Variants in CADPS2 observed in about 807,000 individuals in gnomAD.
The protein encoded by CADPS2 is calcium dependent secretion activator 2.
CADPS2 carries 93 observed loss-of-function variants against 172.5 expected under a neutral mutation model. That is an observed-to-expected ratio of 0.54 (90% CI 0.46 to 0.64). The LOEUF is 0.64. CADPS2 is among the 30% of genes least tolerant of loss of function. The pLI is 0.00. For missense variants in CADPS2, 1,420 were observed against 1,565.9 expected (o/e 0.91, Z 1.57); for synonymous variants, 546 against 555.2 (o/e 0.98, Z 0.23).
rs16870877 is a variant in CADPS2, at chr7:122,832,482, G to T, written c.339+53517C>A. Among the ~76,000 whole-genome samples the T allele has an allele frequency of 2.3e-4, 35 of 152,192 alleles. No homozygotes were observed. The South Asian group carries it at 7.0e-3, about 31-fold the overall frequency. ...TCTTACGCAGCCATCTCTGTCCAGCGGTCATTTGGAGATATAAGCGCATAT... is the reference window on the plus strand; with the variant it reads ...TCTTACGCAGCCATCTCTGTCCAGCTGTCATTTGGAGATATAAGCGCATAT... On this transcript the variant is annotated intron_variant, in intron 1 of 29. Transcript: ENST00000449022.
chr7:122,557,709 A>G (rs929506), intron 7 of CADPS2, among the ~76,000 whole-genome samples: 138,674 of 152,246 alleles, frequency 0.91, 63,268 homozygotes, highest in East Asian at 1. Flanking sequence ...TTAGGAAGAA[A>G]GGCAACAAAA....
intron 1 of CADPS2, among the ~76,000 whole-genome samples, chr7:122,833,662 C>G (rs527887859): frequency 6.6e-6 from 1 of 152,238 alleles, no homozygotes; most frequent in East Asian, 1.9e-4. Flanking sequence ...TCCGAAAGTG[C>G]TGGGGTTACA....
intron 1 of CADPS2, among the ~76,000 whole-genome samples, chr7:122,864,358 T>C (rs1817746740): frequency 6.6e-6 from 1 of 152,134 alleles, no homozygotes; most frequent in South Asian, 2.1e-4. Flanking sequence ...CATGTGCCCA[T>C]GGTTCCAGCT....
chr7:122,699,169 T>G, intron 2 of CADPS2: 1 of 407,030 alleles, frequency 2.5e-6, no homozygotes, highest in Non-Finnish European at 4.5e-6. Flanking sequence ...TATTGTGTGA[T>G]GTGATTATGA....
chr7:122,853,090 G>A (rs2501448), intron 1 of CADPS2, among the ~76,000 whole-genome samples: 28,332 of 152,150 alleles, frequency 0.19, 3,127 homozygotes, highest in African/African-American at 0.31. Context: ...TGGCCTCAGT[G>A]CCAGTCCTCT....
chr7:122,345,685 T>C lies in CADPS2; in HGVS notation c.3505-4A>G, dbSNP rs545215047. The C allele has an allele frequency of 1.3e-6, 2 of 1,583,938 alleles. No homozygotes were observed. The highest frequency in any genetic ancestry group is 1.7e-5 in the Admixed American group (1 of 58,436). ...CTGCCAGATCCATTCCTGGTTTCTG[T>C]TGTGAAGGAAAAGCAGGGGGAACAA... On this transcript the variant is annotated splice_polypyrimidine_tract_variant and splice_region_variant and intron_variant, in intron 27 of 29. Coordinates refer to ENST00000449022, the MANE Select transcript of CADPS2 (RefSeq NM_017954.11).
At chr7:122,470,726 C>A (rs1196816811) in intron 14 of CADPS2, among the ~76,000 whole-genome samples, 2 of 151,982 alleles carry the variant, frequency 1.3e-5, no homozygotes, top group Non-Finnish European at 2.9e-5. Context: ...AAACTCCTGG[C>A]CTCAGGTGAT....
At chr7:122,879,111 C>T (rs1296442529) in intron 1 of CADPS2, among the ~76,000 whole-genome samples, 2 of 151,710 alleles carry the variant, frequency 1.3e-5, no homozygotes, top group Non-Finnish European at 2.9e-5. Flanking sequence ...GTGGTGCACA[C>T]CTGTAATCCC....
At position 122,615,253 on chromosome 7, in the gene CADPS2, C is replaced by T. The variant is rs1457955627; in HGVS notation, c.1151G>A (p.Arg384Gln). 3 of 1,556,006 alleles carry T rather than the reference C, an allele frequency of 1.9e-6. No homozygotes were observed. Among genetic ancestry groups the T allele is most frequent in the South Asian group, 1.2e-5 (1 of 84,198 alleles). The change falls in exon 6 of 30, where the codon CGA becomes CAA. Residue 384 changes from arginine to glutamine, a missense_variant. Physicochemically the swap from Arg to Gln is conservative, Grantham distance 43. Coordinates refer to ENST00000449022, the MANE Select transcript of CADPS2 (RefSeq NM_017954.11). ...CACTTCCATTGTACAGTAAACAATT[C>T]GATTGGGAGCAACTGACTTCAGGCC... is the stretch of plus-strand genomic sequence containing the variant. Reference protein sequence around the residue: ...VQGLKSVAPNRIVYCTMEVEG... With the variant: ...VQGLKSVAPNQIVYCTMEVEG...
chr7:122,397,027 A>C (rs1320379623), intron 20 of CADPS2, among the ~76,000 whole-genome samples: 1 of 152,226 alleles, frequency 6.6e-6, no homozygotes, highest in African/African-American at 2.4e-5. Context: ...CTTTGTATAA[A>C]ATATATAGCA....
intron 3 of CADPS2, among the ~76,000 whole-genome samples, chr7:122,646,675 C>T (rs1168603713): frequency 2.0e-5 from 3 of 152,132 alleles, no homozygotes; most frequent in Non-Finnish European, 4.4e-5. Context: ...GATGGGGCCA[C>T]ACTGAACACC....
intron 1 of CADPS2, among the ~76,000 whole-genome samples, chr7:122,764,606 A>C (rs1413020248): frequency 1.3e-5 from 2 of 152,100 alleles, no homozygotes; most frequent in Non-Finnish European, 2.9e-5. Flanking sequence ...TAGTCAGGGT[A>C]TAGCAACAGA....
intron 6 of CADPS2, among the ~76,000 whole-genome samples, chr7:122,612,944 A>G (rs925283336): frequency 2.6e-5 from 4 of 152,170 alleles, no homozygotes. Flanking sequence ...TTTAATAAGG[A>G]AAGAATAGGT....
intron 1 of CADPS2, among the ~76,000 whole-genome samples, chr7:122,790,028 GTTTTT>G (rs747647291): frequency 1.6e-5 from 2 of 126,672 alleles, no homozygotes; most frequent in Non-Finnish European, 3.4e-5. Context: ...AATATTAAGT[GTTTTT>G]TTTTTTTTTT....
chr7:122,487,876 A>G (rs1180943012), intron 11 of CADPS2, among the ~76,000 whole-genome samples: 1 of 152,214 alleles, frequency 6.6e-6, no homozygotes, highest in African/African-American at 2.4e-5. Flanking sequence ...GAAGAATGAG[A>G]TTAGATGTAT....
intron 14 of CADPS2, among the ~76,000 whole-genome samples, chr7:122,454,107 C>A (rs1379555129): frequency 1.3e-5 from 2 of 152,098 alleles, no homozygotes; most frequent in African/African-American, 4.8e-5. Flanking sequence ...GGCAACAGTT[C>A]CTCCTACAAT....
chr7:122,885,078 C>T (rs1318881804), intron 1 of CADPS2, among the ~76,000 whole-genome samples: 2 of 152,176 alleles, frequency 1.3e-5, no homozygotes, highest in African/African-American at 4.8e-5. Flanking sequence ...TTCTACAGAA[C>T]CTTCCAGGTT....
At chr7:122,809,821 T>C (rs1799639240) in intron 1 of CADPS2, among the ~76,000 whole-genome samples, 1 of 152,210 alleles carries the variant, frequency 6.6e-6, no homozygotes, top group African/African-American at 2.4e-5. Context: ...GGTAAGAGCT[T>C]GTTGCCTATA....
In CADPS2 at chr7:122,713,584, T is replaced by C. The variant is rs75216966; in HGVS notation, c.453+23371A>G. 3.3e-3 allele frequency among the ~76,000 whole-genome samples: 495 copies of C among 152,062 alleles called. 2 individuals are homozygous for C. Among genetic ancestry groups the C allele is most frequent in the Non-Finnish European group, 5.8e-3 (394 of 67,968 alleles). ...CATGATCTGTAACCATTTTTTTCAATCTTAACAATTGTAAGGAAGTTTCTA... is the reference window on the plus strand; with the variant it reads ...CATGATCTGTAACCATTTTTTTCAACCTTAACAATTGTAAGGAAGTTTCTA... On this transcript the variant is annotated intron_variant, in intron 2 of 29. Coordinates refer to ENST00000449022, the MANE Select transcript of CADPS2 (RefSeq NM_017954.11).
Sources: allele counts gnomAD v4.1 joint callset (sites outside exome capture counted in the v4.1 genomes callset), GRCh38; gene constraint gnomAD v4.1.1; transcripts MANE v1.5; gene names NCBI Gene and HGNC (gene_info 2026-07-23, HGNC 2026-07-21).